ABI2: variants seen among roughly 807,000 people sequenced by gnomAD.
ABI2 encodes abl interactor 2.
A neutral mutation model predicts 59.2 loss-of-function variants in ABI2; 25 were observed. The ratio of observed to expected loss-of-function variants is 0.42; its 90% confidence interval spans 0.31 to 0.59. ABI2 has a LOEUF of 0.59. ABI2 is among the 20% of genes least tolerant of loss of function. The pLI is 0.14. For missense variants in ABI2, 545 were observed against 681.8 expected (o/e 0.80, Z 2.23); for synonymous variants, 213 against 235.5 (o/e 0.90, Z 0.87).
At chr2:203,368,423 G>A (rs2094705761) in intron 2 of ABI2, among the ~76,000 whole-genome samples, 1 of 151,960 alleles carries the variant, frequency 6.6e-6, no homozygotes, top group Admixed American at 6.6e-5. Context: ...ATTTTTAAAT[G>A]TGCATATTAT....
intron 2 of ABI2, among the ~76,000 whole-genome samples, chr2:203,373,909 A>T (rs1280057204): frequency 6.6e-6 from 1 of 152,170 alleles, no homozygotes; most frequent in Non-Finnish European, 1.5e-5. Context: ...CTGTAGTCCC[A>T]GCACTTTGGG....
intron 2 of ABI2, among the ~76,000 whole-genome samples, chr2:203,369,574 A>G (rs2094905675): frequency 6.6e-6 from 1 of 152,210 alleles, no homozygotes; most frequent in African/African-American, 2.4e-5. Context: ...CGTTTAATTA[A>G]TGTGGTCAAT....
At chr2:203,411,999 G>A (rs2097695805) in intron 10 of ABI2, among the ~76,000 whole-genome samples, 1 of 152,130 alleles carries the variant, frequency 6.6e-6, no homozygotes, top group Non-Finnish European at 1.5e-5. Context: ...CTGTATGATG[G>A]ACAAATCCTC....
chr2:203,373,394 G>A (rs1015879513), intron 2 of ABI2, among the ~76,000 whole-genome samples: 3 of 152,216 alleles, frequency 2.0e-5, no homozygotes, highest in Non-Finnish European at 4.4e-5. Flanking sequence ...GGAGGTTGCA[G>A]TGAGCCAAGA....
chr2:203,348,802 T>C (rs1197773338), intron 1 of ABI2, among the ~76,000 whole-genome samples: 2 of 152,076 alleles, frequency 1.3e-5, no homozygotes, highest in Non-Finnish European at 2.9e-5. Flanking sequence ...GGTACATCAT[T>C]ATAATTGATG....
intron 1 of ABI2, 39 bp downstream of exon 1, chr2:203,328,670 C>A (rs776563773): frequency 2.1e-6 from 3 of 1,419,874 alleles, no homozygotes; most frequent in Admixed American, 2.6e-5. Context: ...CGGGGACCCC[C>A]CCGCCGGGGG....
chr2:203,367,837 C>T (rs2094609014), intron 2 of ABI2, among the ~76,000 whole-genome samples: 1 of 151,870 alleles, frequency 6.6e-6, no homozygotes, highest in Non-Finnish European at 1.5e-5. Flanking sequence ...ACCCTGTTCT[C>T]TACCAAAAAT....
At chr2:203,376,161 C>G (rs749988231) in intron 2 of ABI2, 1 of 1,482,970 alleles carries the variant, frequency 6.7e-7, no homozygotes, top group East Asian at 2.5e-5. Flanking sequence ...AGTCCTTCCT[C>G]TATAGATCTT....
chr2:203,385,280 C>T lies in ABI2; in HGVS notation c.480+3074C>T, dbSNP rs984157185. 2.6e-5 allele frequency among the ~76,000 whole-genome samples: 4 copies of T among 151,262 alleles called. 1 individual carries two copies. The highest frequency in any genetic ancestry group is 1.3e-4 in the Admixed American group (2 of 15,110). On this transcript the variant is annotated intron_variant, in intron 4 of 11. Transcript: ENST00000261018. ...CTGAGTAGCTGGGACTACAGGCGCC[C>T]GCCACCTCGCCCAGCTAATTTTTTG...
chr2:203,402,335 C>T (rs1019292770), intron 8 of ABI2, among the ~76,000 whole-genome samples: 4 of 152,128 alleles, frequency 2.6e-5, no homozygotes, highest in African/African-American at 7.2e-5. Flanking sequence ...GCACCCGGCC[C>T]TAATTAGTAA....
At chr2:203,381,821 T>TA in intron 3 of ABI2, among the ~76,000 whole-genome samples, 1 of 152,334 alleles carries the variant, frequency 6.6e-6, no homozygotes, top group South Asian at 2.1e-4. Context: ...CCCATTTTTT[T>TA]AAAATATATA....
intron 1 of ABI2, among the ~76,000 whole-genome samples, chr2:203,352,706 A>G (rs937781340): frequency 6.6e-6 from 1 of 152,228 alleles, no homozygotes; most frequent in African/African-American, 2.4e-5. Flanking sequence ...TGGAGAGAGA[A>G]AATTTAAGAA....
At chr2:203,361,796 T>C (rs2093554468) in intron 1 of ABI2, among the ~76,000 whole-genome samples, 1 of 152,228 alleles carries the variant, frequency 6.6e-6, no homozygotes, top group Non-Finnish European at 1.5e-5. Flanking sequence ...GATTGAATGA[T>C]GTCCTGTGTC....
Position 203,382,218 on chromosome 2 carries a change from C to T in ABI2, c.480+12C>T. The T allele has an allele frequency of 1.3e-6, 2 of 1,525,916 alleles. No homozygotes were observed. Among genetic ancestry groups the T allele is most frequent in the Non-Finnish European group, 1.8e-6 (2 of 1,141,764 alleles). The allele number at this position is 1,525,916 out of a possible 1,614,324, so 94.5% of individuals were successfully genotyped here. On this transcript the variant is annotated intron_variant, in intron 4 of 11. Coordinates refer to ENST00000261018, the MANE Select transcript of ABI2 (RefSeq NM_001375670.1). ...TGCTTAGATTTAAGGTAAGAGATTC[C>T]AGGGCTGGATTTCCATTCTTTGTTC... is the stretch of plus-strand genomic sequence containing the variant.
intron 1 of ABI2, among the ~76,000 whole-genome samples, chr2:203,357,832 A>G (rs992658161): frequency 2.0e-5 from 3 of 151,520 alleles, no homozygotes; most frequent in Non-Finnish European, 4.4e-5. Context: ...GCAGTGGCGC[A>G]GTCTTGGCTC....
chr2:203,385,288 C>T lies in ABI2; in HGVS notation c.480+3082C>T, dbSNP rs182498206. On this transcript the variant is annotated intron_variant, in intron 4 of 11. Coordinates refer to ENST00000261018, the MANE Select transcript of ABI2 (RefSeq NM_001375670.1). The stretch of plus-strand genomic sequence containing the variant: ...CTGGGACTACAGGCGCCCGCCACCT[C>T]GCCCAGCTAATTTTTTGTATTTTTA... 3.0e-3 allele frequency among the ~76,000 whole-genome samples: 450 copies of T among 151,452 alleles called. 1 individual carries two copies. The highest frequency in any genetic ancestry group is 0.01 in the African/African-American group (423 of 41,264).
intron 1 of ABI2, among the ~76,000 whole-genome samples, chr2:203,359,511 G>A (rs2093033182): frequency 1.3e-5 from 2 of 152,196 alleles, no homozygotes; most frequent in South Asian, 4.1e-4. Context: ...TCAAATATGT[G>A]CAAGTATATA....
chr2:203,399,397 G>A (rs924458183), intron 8 of ABI2, among the ~76,000 whole-genome samples: 9 of 151,416 alleles, frequency 5.9e-5, no homozygotes, highest in African/African-American at 1.7e-4. Flanking sequence ...TTTTAATAGG[G>A]TTTTTTTCCT....
rs375911001 is a variant in ABI2, at chr2:203,395,432, A to AATAT, written c.726-210_726-207dup. ...TTCCCCTCAACTTTATTAATAAGTAAATATATATATATATATACACACACA... is the reference window on the plus strand; with the variant it reads ...TTCCCCTCAACTTTATTAATAAGTAAATATATATATATATATATATACACACACA... On this transcript the variant is annotated intron_variant, in intron 6 of 11. Coordinates refer to ENST00000261018, the MANE Select transcript of ABI2 (RefSeq NM_001375670.1). 9.7e-3 allele frequency among the ~76,000 whole-genome samples: 1,100 copies of AATAT among 113,256 alleles called. 24 individuals are homozygous for AATAT. Among genetic ancestry groups the AATAT allele is most frequent in the African/African-American group, 0.024 (775 of 32,196 alleles). The allele number at this position is 113,256 out of a possible 152,430, so 74.3% of individuals were successfully genotyped here. A position where few individuals can be genotyped will look rare whatever the true frequency, so the allele number is the denominator to read the frequency against.
Sources: gnomAD v4.1 joint callset for allele counts (sites outside exome capture counted in the v4.1 genomes callset) on GRCh38, gnomAD v4.1.1 for gene constraint, MANE v1.5 for transcripts, NCBI Gene and HGNC (gene_info 2026-07-23, HGNC 2026-07-21) for gene names.